The following DMRTC2 variants were observed in gnomAD, a reference collection of about 807,000 sequenced individuals.
DMRTC2 encodes the protein doublesex- and mab-3-related transcription factor C2.
A neutral mutation model predicts 39.9 loss-of-function variants in DMRTC2; 13 were observed. That is an observed-to-expected ratio of 0.33 (90% confidence interval 0.21 to 0.52). The LOEUF (loss-of-function observed/expected upper bound fraction) is 0.52. DMRTC2 is among the 20% of genes least tolerant of loss of function. The pLI, the probability that DMRTC2 is intolerant of heterozygous loss-of-function variation, is 0.96. For missense variants in DMRTC2, 431 were observed against 472.8 expected (o/e 0.91, Z 0.82); for synonymous variants, 189 against 185.2 (o/e 1.02, Z -0.17).
In DMRTC2 at chr19:41,849,498, T is replaced by A. The variant is rs149286266; in HGVS notation, c.755+242T>A. 1.9e-3 allele frequency among the ~76,000 whole-genome samples: 289 copies of A among 152,362 alleles called. 3 individuals are homozygous for A. Among genetic ancestry groups the A allele is most frequent in the African/African-American group, 6.2e-3 (258 of 41,582 alleles). The stretch of plus-strand genomic sequence containing the variant: ...CTATTACTTACCTCTCTGATTGTTG[T>A]AAGAATTAGCAATAATGTATGGAAT... On this transcript the variant is annotated intron_variant, in intron 6 of 8. Transcript: ENST00000269945.
Position 41,851,564 on chromosome 19 carries a change from CCCTT to C in DMRTC2, c.992-14_992-11del. ...AAAAACAGGTGTGACCTGATCCTGC[CCCTT>C]CCTTCTTGCCTGTAGCTCCTGCTGG... On this transcript the variant is annotated splice_polypyrimidine_tract_variant and intron_variant, in intron 8 of 8. Transcript: ENST00000269945. The C allele has an allele frequency of 1.2e-6, 2 of 1,606,950 alleles. No individual in the cohort carries two copies. The highest frequency in any genetic ancestry group is 2.2e-5 in the East Asian group (1 of 44,834).
At position 41,846,883 on chromosome 19, in the gene DMRTC2, A is replaced by T. The variant is rs987644123; in HGVS notation, c.-4-542A>T. Among the ~76,000 whole-genome samples the T allele has an allele frequency of 1.7e-3, 213 of 122,216 alleles. 1 individual carries two copies. The highest frequency in any genetic ancestry group is 5.6e-3 in the African/African-American group (202 of 36,370). 80.2% of individuals were successfully genotyped at this position (122,216 alleles called of 152,430 possible). A position where few individuals can be genotyped will look rare whatever the true frequency, so the allele number is the denominator to read the frequency against. ...CACCCGGCCTAAAAATTTTTAAATT[A>T]AAAAAAGGGGGGACGGGTGCAGTGG... On this transcript the variant is annotated intron_variant, in intron 1 of 8. Transcript: ENST00000269945.
At chr19:41,850,258 T>C in intron 6 of DMRTC2, 54 bp from the exon 7 acceptor site, 3 of 1,412,426 alleles carry the variant, frequency 2.1e-6, no homozygotes. Context: ...TTTCAATGTG[T>C]GCATGTCTGT....
Position 41,847,772 on chromosome 19 carries a change from G to A in DMRTC2, c.261G>A (p.Leu87=), listed in dbSNP as rs781879998. The stretch of plus-strand genomic sequence containing the variant: ...GGGTCATGGCTGCCCAGGTGGCCTT[G>A]CGTAGGCAGCAGGAGGCGCAGCTAA... ...RRRVMAAQVA[L]RRQQEAQLKK... The change falls in exon 3 of 9, where the codon TTG becomes TTA. Residue 87 remains leucine, a synonymous_variant. Transcript: ENST00000269945. 9 of 1,613,572 alleles carry A rather than the reference G, an allele frequency of 5.6e-6. No homozygotes were observed. The South Asian group carries it at 8.8e-5, about 16-fold the overall frequency.
At chr19:41,850,771 A>T in intron 8 of DMRTC2, 71 bp downstream of exon 8, 1 of 1,452,246 alleles carries the variant, frequency 6.9e-7, no homozygotes. Flanking sequence ...ACAGGGACTA[A>T]CCAAGGAGAT....
In DMRTC2 at chr19:41,848,995, T is replaced by C; in HGVS notation, c.628+20T>C. 6.2e-7 allele frequency: 1 copy of C among 1,613,800 alleles called. No homozygotes were observed. Among genetic ancestry groups the C allele is most frequent in the South Asian group, 1.1e-5 (1 of 91,080 alleles). ...TCCCTGGTAAGATGATAATTCAACA[T>C]TCATTCAACATATATTTGAGTGCCA... On this transcript the variant is annotated intron_variant, in intron 5 of 8. Transcript: ENST00000269945.
intron 2 of DMRTC2, 21 bp downstream of exon 2, chr19:41,847,673 G>A (rs1291769855): frequency 1.9e-6 from 3 of 1,613,602 alleles, no homozygotes; most frequent in African/African-American, 2.7e-5. Context: ...GGTCTGGGAG[G>A]GGAGGAGGAT....
chr19:41,845,503 T>G (rs1343053499), intron 1 of DMRTC2: 4 of 152,258 alleles, frequency 2.6e-5, no homozygotes, highest in Non-Finnish European at 5.9e-5. Flanking sequence ...GTGGAATGAA[T>G]GAAGGAGTGA....
chr19:41,847,709 C>G, intron 2 of DMRTC2, 27 bp from the exon 3 acceptor site: 1 of 1,613,960 alleles, frequency 6.2e-7, no homozygotes, highest in South Asian at 1.1e-5. Flanking sequence ...GGTGGCTGAC[C>G]TTTGACTTGC....
chr19:41,848,177 C>G (rs1232113974), intron 3 of DMRTC2, among the ~76,000 whole-genome samples: 1 of 152,154 alleles, frequency 6.6e-6, no homozygotes, highest in African/African-American at 2.4e-5. Context: ...GAAACCCCGT[C>G]TCTACTAAAA....
chr19:41,852,068 G>C lies in DMRTC2; in HGVS notation c.*372G>C. On this transcript the variant is annotated 3_prime_UTR_variant, in exon 9 of 9. Transcript: ENST00000269945. Reference sequence around the variant, plus strand: ...TGTAAATGCCTATGCATTCATGTCTGTCTCCATGCATGTGAAAACAGGAGA... The same window carrying C: ...TGTAAATGCCTATGCATTCATGTCTCTCTCCATGCATGTGAAAACAGGAGA... 1 of 189,062 alleles carries C rather than the reference G, an allele frequency of 5.3e-6. No homozygotes were observed. 11.7% of individuals were successfully genotyped at this position (189,062 alleles called of 1,614,324 possible).
In DMRTC2 at chr19:41,848,460, G is replaced by A. The variant is rs1256250186; in HGVS notation, c.379G>A (p.Glu127Lys). ...TCCCTGGTCCTTCACAGCTGGAAAG[G>A]AGAACATAGCACCCCAGCCTCAGAC... ...TTQPQVPSGK[E>K]NIAPQPQTPH... The change falls in exon 4 of 9, where the codon GAG (glutamate) becomes AAG (lysine). Residue 127 changes from glutamate to lysine, a missense_variant. Glu to Lys is a moderately conservative substitution (Grantham distance 56). Transcript: ENST00000269945. 13 of 1,603,328 alleles carry A rather than the reference G, an allele frequency of 8.1e-6. No homozygotes were observed. The highest frequency in any genetic ancestry group is 1.1e-5 in the Non-Finnish European group (13 of 1,175,068).
Position 41,849,205 on chromosome 19 carries a change from T to G in DMRTC2, c.704T>G (p.Leu235Arg), listed in dbSNP as rs782248330. 6.2e-7 allele frequency: 1 copy of G among 1,614,168 alleles called. No homozygotes were observed. ...FTTCPGSHPV[L>R]TAPLSGEPQG... is the part of the protein sequence containing the mutation. ...ACCTGCCCAGGATCTCACCCAGTAC[T>G]GACAGCTCCTCTTTCTGGAGAGCCC... The change falls in exon 6 of 9, where the codon CTG (leucine) becomes CGG (arginine). Residue 235 changes from leucine (L) to arginine (R), a missense_variant. Transcript: ENST00000269945.
At position 41,847,672 on chromosome 19, in the gene DMRTC2, G is replaced by C; in HGVS notation, c.224+20G>C. 6.2e-7 allele frequency: 1 copy of C among 1,613,838 alleles called. No homozygotes were observed. Among genetic ancestry groups the C allele is most frequent in the South Asian group, 1.1e-5 (1 of 91,076 alleles). Reference sequence around the variant, plus strand: ...CATCCTGTGAGTATGAGGTCTGGGAGGGGAGGAGGATGAGCCTCCTCCAAA... The same window carrying C: ...CATCCTGTGAGTATGAGGTCTGGGACGGGAGGAGGATGAGCCTCCTCCAAA... On this transcript the variant is annotated intron_variant, in intron 2 of 8. Coordinates refer to ENST00000269945, the MANE Select transcript of DMRTC2 (RefSeq NM_001040283.3).
intron 1 of DMRTC2, 61 bp downstream of exon 1, chr19:41,845,162 A>C (rs1427760996): frequency 1.3e-5 from 2 of 151,970 alleles, no homozygotes; most frequent in African/African-American, 2.4e-5. Flanking sequence ...CCTCCCTCTT[A>C]GCCGGACTCC....
intron 8 of DMRTC2, chr19:41,851,137 T>C (rs939529502): frequency 3.5e-5 from 7 of 200,226 alleles, no homozygotes; most frequent in South Asian, 1.5e-4. Flanking sequence ...CTGAAGAAGA[T>C]TGGAGGAACC....
chr19:41,847,170 G>C, intron 1 of DMRTC2: 15 of 828,002 alleles, frequency 1.8e-5, no homozygotes, highest in Non-Finnish European at 2.2e-5. Flanking sequence ...GGGAGACAGA[G>C]TGAGACTCCA....
chr19:41,847,953 T>C, intron 3 of DMRTC2, 72 bp downstream of exon 3: 1 of 1,505,796 alleles, frequency 6.6e-7, no homozygotes, highest in Admixed American at 2.2e-5. Flanking sequence ...AGAGGCCCAG[T>C]CCTGCTGCTG....
Position 41,850,584 on chromosome 19 carries a change from A to G in DMRTC2, c.875A>G (p.Gln292Arg). The G allele has an allele frequency of 6.2e-7, 1 of 1,613,524 alleles. No homozygotes were observed. Among genetic ancestry groups the G allele is most frequent in the Admixed American group, 1.7e-5 (1 of 59,956 alleles). ...GGCCCCTCAGAGTGGCAGCTGCAGC[A>G]AGAGGCAGCTGAAGCCCTCGTGGGG... ...TSGPSEWQLQ[Q>R]EAAEALVGLK... The change falls in exon 8 of 9, where the codon CAA becomes CGA. Residue 292 changes from glutamine to arginine, a missense_variant. Physicochemically the swap from Gln to Arg is conservative, Grantham distance 43 (BLOSUM62 1). Transcript: ENST00000269945.
Sources: gnomAD v4.1 joint callset for allele counts (sites outside exome capture counted in the v4.1 genomes callset) on GRCh38, gnomAD v4.1.1 for gene constraint, MANE v1.5 for transcripts, NCBI Gene and HGNC (gene_info 2026-07-23, HGNC 2026-07-21) for gene names.